Variants in GRM5 observed in about 807,000 individuals in gnomAD.
GRM5 encodes metabotropic glutamate receptor 5.
Under a neutral mutation model 83.1 loss-of-function variants are expected in GRM5, and 19 were observed. The ratio of observed to expected loss-of-function variants is 0.23; its 90% confidence interval spans 0.16 to 0.34. GRM5 has a LOEUF of 0.34. Among genes scored for constraint, GRM5 ranks in the 10% least tolerant of loss-of-function variants. The probability of loss-of-function intolerance (pLI) is 1.00; values close to 1 mark genes in which losing one functional copy is unlikely to be tolerated. For synonymous variants in GRM5, 675 were observed against 633.6 expected (o/e 1.07, Z -0.98); for missense variants, 1,160 against 1,588.3 (o/e 0.73, Z 4.58).
intron 2 of GRM5, among the ~76,000 whole-genome samples, chr11:88,913,975 C>T (rs1945547767): frequency 6.6e-6 from 1 of 152,138 alleles, no homozygotes; most frequent in African/African-American, 2.4e-5. Flanking sequence ...TGCTTCTGCT[C>T]CTTTAATCCT....
intron 2 of GRM5, among the ~76,000 whole-genome samples, chr11:88,982,789 G>A (rs184903279): frequency 6.0e-4 from 92 of 152,204 alleles, no homozygotes; most frequent in African/African-American, 2.2e-3. Context: ...GAAGTTGGCC[G>A]GGTGCAGTGG....
chr11:88,543,590 G>A (rs1461465213), intron 8 of GRM5, among the ~76,000 whole-genome samples: 5 of 137,024 alleles, frequency 3.6e-5, no homozygotes, highest in African/African-American at 5.5e-5. Flanking sequence ...CAGAGAAGAG[G>A]AAAAAAAAAA....
chr11:88,804,572 T>A (rs10831461), intron 3 of GRM5, among the ~76,000 whole-genome samples: 64,990 of 150,344 alleles, frequency 0.43, 16,669 homozygotes, highest in African/African-American at 0.7. Flanking sequence ...GCTTTAGTAG[T>A]TATACCTAAT....
chr11:88,907,228 T>A (rs1409168727), intron 2 of GRM5, among the ~76,000 whole-genome samples: 2 of 152,150 alleles, frequency 1.3e-5, no homozygotes, highest in East Asian at 3.9e-4. Flanking sequence ...ATGTCAGCCC[T>A]GTGGATGTTA....
intron 2 of GRM5, among the ~76,000 whole-genome samples, chr11:89,032,129 A>G (rs1007664018): frequency 1.6e-4 from 24 of 152,016 alleles, no homozygotes; most frequent in Non-Finnish European, 3.1e-4. Flanking sequence ...AATGAATGCA[A>G]TGTGCTCAGA....
chr11:88,783,101 T>C (rs1169574161), intron 3 of GRM5, among the ~76,000 whole-genome samples: 2 of 152,142 alleles, frequency 1.3e-5, no homozygotes, highest in East Asian at 3.9e-4. Flanking sequence ...TGGTGGTATT[T>C]AAATCAATTA....
intron 8 of GRM5, among the ~76,000 whole-genome samples, chr11:88,562,070 A>G (rs1202698553): frequency 6.6e-6 from 1 of 152,088 alleles, no homozygotes; most frequent in African/African-American, 2.4e-5. Flanking sequence ...TTCCAAAGTA[A>G]GTTCTTTGGA....
chr11:88,570,569 ATATTTTTTTTTT>A lies in GRM5; in HGVS notation c.1691-2589_1691-2578del, dbSNP rs1174020878. Among the ~76,000 whole-genome samples the A allele has an allele frequency of 7.2e-4, 53 of 73,848 alleles. 1 individual carries two copies. The highest frequency in any genetic ancestry group is 7.2e-3 in the Middle Eastern group (1 of 138). The allele number at this position is 73,848 out of a possible 152,430, so 48.4% of individuals were successfully genotyped here. Reference sequence around the variant, plus strand: ...ATTAATAATATATATATATATATATATATTTTTTTTTTTTTTTTTTTTTTTTTTGAGACATAG... The same window carrying A: ...ATTAATAATATATATATATATATATATTTTTTTTTTTTTTTTGAGACATAG... On this transcript the variant is annotated intron_variant, in intron 7 of 9. Transcript: ENST00000305447.
chr11:88,712,284 T>C lies in GRM5; in HGVS notation c.912-58881A>G, dbSNP rs558504167. Among the ~76,000 whole-genome samples, 4 of 152,142 alleles carry C rather than the reference T, an allele frequency of 2.6e-5. No homozygotes were observed. The South Asian group carries it at 8.3e-4, about 32-fold the overall frequency. On this transcript the variant is annotated intron_variant, in intron 3 of 9. Coordinates refer to ENST00000305447, the MANE Select transcript of GRM5 (RefSeq NM_001143831.3). Reference sequence around the variant, plus strand: ...AATATTTGAATCACCATTTCTGAAGTAGCCCCGTCTCCAGGACATCCCATA... The same window carrying C: ...AATATTTGAATCACCATTTCTGAAGCAGCCCCGTCTCCAGGACATCCCATA...
rs573369984 is a variant in GRM5 at position 89,057,848 on chromosome 11, A to G, written c.-201+7928T>C. Among the ~76,000 whole-genome samples, 250 of 152,282 alleles carry G rather than the reference A, an allele frequency of 1.6e-3. 3 individuals carry two copies. The highest frequency in any genetic ancestry group is 0.014 in the Middle Eastern group (4 of 294). The stretch of plus-strand genomic sequence containing the variant: ...ACTTATTAATACATAATATTTATAA[A>G]GTGCCTTCTTTCTGTTAAATAATGT... On this transcript the variant is annotated intron_variant, in intron 1 of 9. Coordinates refer to ENST00000305447, the MANE Select transcript of GRM5 (RefSeq NM_001143831.3).
At chr11:88,957,350 G>C (rs672144) in intron 2 of GRM5, among the ~76,000 whole-genome samples, 124,806 of 152,196 alleles carry the variant, frequency 0.82, 56,789 homozygotes, top group Non-Finnish European at 1. Flanking sequence ...AGAAGAGGAG[G>C]ACTGTGGATG....
At chr11:88,809,287 T>C (rs865865336) in intron 3 of GRM5, among the ~76,000 whole-genome samples, 1 of 152,054 alleles carries the variant, frequency 6.6e-6, no homozygotes, top group South Asian at 2.1e-4. Context: ...CTTTCCCCTC[T>C]AAGGGGCAAG....
intron 2 of GRM5, among the ~76,000 whole-genome samples, chr11:88,870,766 G>T (rs548578072): frequency 6.6e-6 from 1 of 151,532 alleles, no homozygotes; most frequent in South Asian, 2.1e-4. Flanking sequence ...TGAGAGGTCT[G>T]GGCAGTGGGG....
Position 88,928,907 on chromosome 11 carries a change from T to TATACAC in GRM5, c.662-78753_662-78752insGTGTAT, listed in dbSNP as rs369951090. 8.2e-3 allele frequency among the ~76,000 whole-genome samples: 1,140 copies of TATACAC among 138,746 alleles called. 12 individuals are homozygous for TATACAC. Among genetic ancestry groups the TATACAC allele is most frequent in the Middle Eastern group, 0.025 (7 of 280 alleles). The allele number at this position is 138,746 out of a possible 152,430, so 91.0% of individuals were successfully genotyped here. ...GTTTGTACCTATGTGTATGTGTATA[T>TATACAC]ACACACACACACACACACACACACA... On this transcript the variant is annotated intron_variant, in intron 2 of 9. Coordinates refer to ENST00000305447, the MANE Select transcript of GRM5 (RefSeq NM_001143831.3).
At chr11:88,843,882 T>G (rs1451913637) in intron 3 of GRM5, among the ~76,000 whole-genome samples, 1 of 152,172 alleles carries the variant, frequency 6.6e-6, no homozygotes, top group Non-Finnish European at 1.5e-5. Flanking sequence ...AGATCTTAAC[T>G]CTCTTTAATC....
intron 2 of GRM5, among the ~76,000 whole-genome samples, chr11:89,026,874 C>A (rs1237764594): frequency 6.6e-6 from 1 of 152,124 alleles, no homozygotes; most frequent in Non-Finnish European, 1.5e-5. Flanking sequence ...TATTTCACAA[C>A]CTATTGAAGT....
intron 2 of GRM5, among the ~76,000 whole-genome samples, chr11:88,972,949 A>G (rs750826372): frequency 6.6e-5 from 10 of 152,162 alleles, no homozygotes; most frequent in South Asian, 2.1e-4. Context: ...TATAACAAAC[A>G]TTACAAATGG....
At chr11:88,638,416 T>TTTTG (rs138412342) in intron 4 of GRM5, among the ~76,000 whole-genome samples, 40 of 151,980 alleles carry the variant, frequency 2.6e-4, no homozygotes, top group African/African-American at 6.3e-4. Context: ...GGTATAATTG[T>TTTTG]TTTGTTTGTT....
At chr11:88,755,796 G>A (rs1942383451) in intron 3 of GRM5, among the ~76,000 whole-genome samples, 1 of 152,034 alleles carries the variant, frequency 6.6e-6, no homozygotes. Context: ...ATTGAATCTG[G>A]CACTTTTATT....
Sources: allele counts gnomAD v4.1 joint callset (sites outside exome capture counted in the v4.1 genomes callset), GRCh38; gene constraint gnomAD v4.1.1; transcripts MANE v1.5; gene names NCBI Gene and HGNC (gene_info 2026-07-23, HGNC 2026-07-21).